Variants in LPP observed in about 807,000 individuals in gnomAD.
The protein encoded by LPP is lipoma-preferred partner.
Under a neutral mutation model 60.4 loss-of-function variants are expected in LPP, and 38 were observed. The observed-to-expected ratio is 0.63, with a 90% CI of 0.49 to 0.83. The LOEUF (loss-of-function observed/expected upper bound fraction) is 0.83, where lower values mean the gene tolerates loss of function less well. LPP is among the 40% of genes least tolerant of loss of function. The pLI is 0.00. For synonymous variants in LPP, 328 were observed against 290.8 expected, an observed-to-expected ratio of 1.13 and a Z score of -1.30; for missense variants, 902 against 783.6, an observed-to-expected ratio of 1.15 and a Z score of -1.80.
At chr3:188,618,224 A>T (rs994094060) in intron 7 of LPP, among the ~76,000 whole-genome samples, 2 of 152,188 alleles carry the variant, frequency 1.3e-5, no homozygotes, top group Admixed American at 6.5e-5. Context: ...ACTCTTAACA[A>T]ATGATACAGT....
chr3:188,757,889 G>GT (rs750488243), intron 8 of LPP, among the ~76,000 whole-genome samples: 5,532 of 78,656 alleles, frequency 0.07, 287 homozygotes, highest in East Asian at 0.16. Context: ...TGTTTTTTTG[G>GT]TTTTTTTTTT....
chr3:188,788,346 C>T (rs1742579358), intron 9 of LPP, among the ~76,000 whole-genome samples: 1 of 152,172 alleles, frequency 6.6e-6, no homozygotes, highest in African/African-American at 2.4e-5. Flanking sequence ...GCTGGGTAAA[C>T]ACTTGTCCTT....
chr3:188,526,299 T>C (rs1458715156), intron 6 of LPP, among the ~76,000 whole-genome samples: 1 of 152,184 alleles, frequency 6.6e-6, no homozygotes, highest in African/African-American at 2.4e-5. Context: ...CTTCTTCTTT[T>C]TTTTTTCTTT....
At chr3:188,347,339 T>A (rs999128102) in intron 3 of LPP, among the ~76,000 whole-genome samples, 72 of 152,338 alleles carry the variant, frequency 4.7e-4, no homozygotes, top group African/African-American at 1.6e-3. Context: ...TCATAATTCG[T>A]TAACTACGTG....
At chr3:188,381,289 TTTCTC>T (rs1033966968) in intron 3 of LPP, among the ~76,000 whole-genome samples, 3 of 152,236 alleles carry the variant, frequency 2.0e-5, no homozygotes, top group African/African-American at 7.2e-5. Context: ...ATTTTCATCT[TTTCTC>T]TTTTCTCCTT....
chr3:188,292,727 T>A (rs1054884887), intron 2 of LPP, among the ~76,000 whole-genome samples: 2 of 152,204 alleles, frequency 1.3e-5, no homozygotes, highest in Non-Finnish European at 2.9e-5. Context: ...CATGGTTTCT[T>A]AGGTGGCAAT....
chr3:188,297,343 A>C (rs1342421918), intron 2 of LPP, among the ~76,000 whole-genome samples: 4 of 152,196 alleles, frequency 2.6e-5, no homozygotes, highest in Admixed American at 2.6e-4. Flanking sequence ...CCTCCAAGAT[A>C]CTGTTTTAGA....
intron 3 of LPP, among the ~76,000 whole-genome samples, chr3:188,398,759 G>A (rs1367422358): frequency 1.3e-5 from 2 of 152,216 alleles, no homozygotes; most frequent in Non-Finnish European, 2.9e-5. Context: ...AATTACGCTG[G>A]TAGGGACTTA....
intron 1 of LPP, among the ~76,000 whole-genome samples, chr3:188,188,995 G>T (rs1005700353): frequency 9.2e-5 from 14 of 152,154 alleles, no homozygotes; most frequent in African/African-American, 2.4e-5. Context: ...AATTATTTTG[G>T]TTAGTGGGTG....
At chr3:188,347,285 G>A (rs1007614042) in intron 3 of LPP, among the ~76,000 whole-genome samples, 5 of 152,146 alleles carry the variant, frequency 3.3e-5, no homozygotes, top group African/African-American at 1.2e-4. Context: ...TGTACTATGG[G>A]ATTTTAGGAA....
chr3:188,482,709 T>A (rs74941116), intron 4 of LPP, among the ~76,000 whole-genome samples: 6,644 of 152,302 alleles, frequency 0.044, 208 homozygotes, highest in South Asian at 0.099. Context: ...GCATACAGAT[T>A]TATGGGATTT....
intron 9 of LPP, among the ~76,000 whole-genome samples, chr3:188,818,399 C>G (rs1753048430): frequency 6.6e-6 from 1 of 152,288 alleles, no homozygotes; most frequent in South Asian, 2.1e-4. Context: ...CTCTCTTGAG[C>G]TATTCCCTAC....
intron 2 of LPP, among the ~76,000 whole-genome samples, chr3:188,299,596 T>C (rs1268181447): frequency 1.3e-5 from 2 of 152,258 alleles, no homozygotes; most frequent in Non-Finnish European, 2.9e-5. Flanking sequence ...AATTTTAAAG[T>C]TCTTGAATAG....
At chr3:188,269,655 G>A (rs1736969687) in intron 2 of LPP, among the ~76,000 whole-genome samples, 1 of 150,528 alleles carries the variant, frequency 6.6e-6, no homozygotes, top group South Asian at 2.1e-4. Context: ...ATGTGTGTGT[G>A]TGTGTGTGTG....
chr3:188,788,020 T>C (rs1200992661), intron 9 of LPP, among the ~76,000 whole-genome samples: 1 of 152,228 alleles, frequency 6.6e-6, no homozygotes, highest in East Asian at 1.9e-4. Flanking sequence ...TCCTTTTCCA[T>C]GAATGGCATT....
At chr3:188,196,025 G>A (rs1166926255) in intron 1 of LPP, among the ~76,000 whole-genome samples, 1 of 152,148 alleles carries the variant, frequency 6.6e-6, no homozygotes, top group Non-Finnish European at 1.5e-5. Context: ...TCTTGTCCGG[G>A]TCTAGAGGGC....
chr3:188,370,961 T>C (rs1772875954), intron 3 of LPP, among the ~76,000 whole-genome samples: 3 of 152,198 alleles, frequency 2.0e-5, no homozygotes, highest in South Asian at 4.1e-4. Context: ...GCTCTGCTTA[T>C]ATACAACACA....
At chr3:188,563,463 T>TGC in intron 6 of LPP, among the ~76,000 whole-genome samples, 1 of 110,938 alleles carries the variant, frequency 9.0e-6, no homozygotes, top group Admixed American at 9.8e-5. Flanking sequence ...CATATATATG[T>TGC]GTGTGTGTGT....
At chr3:188,660,205 G>A (rs932342395) in intron 7 of LPP, among the ~76,000 whole-genome samples, 1 of 151,976 alleles carries the variant, frequency 6.6e-6, no homozygotes, top group East Asian at 1.9e-4. Context: ...TGCTCCTAAG[G>A]CCACCAATCA....
Sources: allele counts gnomAD v4.1 joint callset (sites outside exome capture counted in the v4.1 genomes callset), GRCh38; gene constraint gnomAD v4.1.1; transcripts MANE v1.5; gene names NCBI Gene and HGNC (gene_info 2026-07-23, HGNC 2026-07-21).